Variants in TNS3 observed in about 807,000 individuals in gnomAD.
The protein encoded by TNS3 is tensin 3.
A neutral mutation model predicts 140.9 loss-of-function variants in TNS3; 45 were observed. The ratio of observed to expected loss-of-function variants is 0.32; its 90% CI spans 0.25 to 0.41. TNS3 has a LOEUF of 0.41. Ranked by LOEUF, TNS3 falls within the 10% of genes least tolerant of loss-of-function variation. The probability of loss-of-function intolerance (pLI) is 1.00; values close to 1 mark genes in which losing one functional copy is unlikely to be tolerated. For missense variants in TNS3, 1,716 were observed against 1,906.7 expected (o/e 0.90, Z 1.86); for synonymous variants, 815 against 788.4 (o/e 1.03, Z -0.56).
At chr7:47,509,463 T>C (rs1798530716) in intron 2 of TNS3, among the ~76,000 whole-genome samples, 1 of 152,074 alleles carries the variant, frequency 6.6e-6, no homozygotes, top group Non-Finnish European at 1.5e-5. Context: ...ACAAGATACT[T>C]TCCCGTATGT....
chr7:47,582,490 T>A (rs1195219628), upstream of TNS3: 1 of 456,552 alleles, frequency 2.2e-6, no homozygotes, highest in Non-Finnish European at 4.4e-6. Flanking sequence ...TCAGCGCCTG[T>A]GATTAAGGTG....
chr7:47,339,830 C>T (rs945241836), intron 20 of TNS3, among the ~76,000 whole-genome samples: 3 of 151,872 alleles, frequency 2.0e-5, no homozygotes, highest in African/African-American at 7.2e-5. Context: ...CAGTATGTCT[C>T]CCCACTTATT....
chr7:47,292,731 A>T, intron 26 of TNS3, 97 bp downstream of exon 26: 1 of 1,122,240 alleles, frequency 8.9e-7, no homozygotes, highest in Non-Finnish European at 1.3e-6. Context: ...TTCCAGTCTT[A>T]TTATTTTTCT....
chr7:47,488,587 C>T (rs921478091), intron 3 of TNS3, among the ~76,000 whole-genome samples: 3 of 152,228 alleles, frequency 2.0e-5, no homozygotes, highest in Non-Finnish European at 4.4e-5. Context: ...ATCCTAATGA[C>T]CCTATTTCAA....
chr7:47,562,431 G>T (rs1477355721), intron 1 of TNS3, among the ~76,000 whole-genome samples: 2 of 146,080 alleles, frequency 1.4e-5, no homozygotes, highest in Non-Finnish European at 3.0e-5. Flanking sequence ...TTGTTGCCCA[G>T]TCTGGAGTGC....
chr7:47,311,482 C>G (rs561365581), intron 20 of TNS3, among the ~76,000 whole-genome samples: 1 of 149,340 alleles, frequency 6.7e-6, no homozygotes, highest in East Asian at 2.0e-4. Flanking sequence ...AGAGAATAAT[C>G]AAATGGAAAC....
chr7:47,524,740 T>C (rs1317356947), intron 2 of TNS3, among the ~76,000 whole-genome samples: 3 of 137,410 alleles, frequency 2.2e-5, no homozygotes, highest in Non-Finnish European at 3.0e-5. Flanking sequence ...AGGCGGAGCT[T>C]GCAGTGAGCC....
At chr7:47,349,404 G>C (rs1467787206) in intron 17 of TNS3, among the ~76,000 whole-genome samples, 2 of 152,240 alleles carry the variant, frequency 1.3e-5, no homozygotes, top group Non-Finnish European at 2.9e-5. Context: ...TCCTGCCACT[G>C]GGACCACCAG....
At chr7:47,467,223 G>A (rs1796756510) in intron 4 of TNS3, among the ~76,000 whole-genome samples, 1 of 152,302 alleles carries the variant, frequency 6.6e-6, no homozygotes, top group East Asian at 1.9e-4. Context: ...CTACCCCAGG[G>A]CCTGAGGGCC....
intron 17 of TNS3, among the ~76,000 whole-genome samples, chr7:47,346,694 C>A (rs996520862): frequency 1.3e-5 from 2 of 152,142 alleles, no homozygotes; most frequent in African/African-American, 2.4e-5. Context: ...CTGGGTGGGA[C>A]TGACGATGAC....
At chr7:47,455,231 G>A (rs891270840) in intron 4 of TNS3, among the ~76,000 whole-genome samples, 3 of 152,120 alleles carry the variant, frequency 2.0e-5, no homozygotes, top group Non-Finnish European at 2.9e-5. Context: ...ATGTTTGCAA[G>A]GCTGAGGGAA....
chr7:47,430,970 G>A (rs1047603734), intron 8 of TNS3, among the ~76,000 whole-genome samples: 5 of 151,936 alleles, frequency 3.3e-5, no homozygotes, highest in East Asian at 1.9e-4. Context: ...TGATCTGCCC[G>A]CCTTGGCCTC....
intron 4 of TNS3, among the ~76,000 whole-genome samples, chr7:47,446,735 T>C (rs1036761337): frequency 7.2e-6 from 1 of 138,106 alleles, no homozygotes; most frequent in Non-Finnish European, 1.5e-5. Context: ...TCGCCCAGGC[T>C]GGAGTGCAGT....
chr7:47,397,164 C>T (rs1792882704), intron 15 of TNS3, among the ~76,000 whole-genome samples: 1 of 152,188 alleles, frequency 6.6e-6, no homozygotes, highest in African/African-American at 2.4e-5. Context: ...GGCTTGGACA[C>T]TTCTGCAAAA....
At chr7:47,357,553 A>G (rs1361630941) in intron 17 of TNS3, among the ~76,000 whole-genome samples, 2 of 152,190 alleles carry the variant, frequency 1.3e-5, no homozygotes, top group Non-Finnish European at 2.9e-5. Context: ...TGGAGGGCAT[A>G]GCCTTAAAGA....
chr7:47,493,597 T>A (rs911526821), intron 3 of TNS3, among the ~76,000 whole-genome samples: 1 of 150,014 alleles, frequency 6.7e-6, no homozygotes, highest in African/African-American at 2.5e-5. Flanking sequence ...GGCGGGTGGA[T>A]CACGAGGTCA....
In TNS3 at chr7:47,275,208, G is replaced by A. The variant is rs1784824086; in HGVS notation, c.*2868C>T. 6.6e-6 allele frequency: 1 copy of A among 152,618 alleles called. No homozygotes were observed. The highest frequency in any genetic ancestry group is 1.5e-5 in the Non-Finnish European group (1 of 68,032). The allele number at this position is 152,618 out of a possible 1,614,324, so 9.5% of individuals were successfully genotyped here. A position where few individuals can be genotyped will look rare whatever the true frequency, so the allele number is the denominator to read the frequency against. On this transcript the variant is annotated 3_prime_UTR_variant, in exon 31 of 31. Transcript: ENST00000311160. ...GAATAGAGATGATATTTAAGGAGCAGAGAAAATGACTATACAAAAGATTTA... is the reference window on the plus strand; with the variant it reads ...GAATAGAGATGATATTTAAGGAGCAAAGAAAATGACTATACAAAAGATTTA...
intron 17 of TNS3, among the ~76,000 whole-genome samples, chr7:47,359,910 C>T (rs988315069): frequency 3.9e-5 from 6 of 152,150 alleles, no homozygotes; most frequent in Admixed American, 6.5e-5. Flanking sequence ...GGAATCCACA[C>T]CTCAAAGTCC....
At chr7:47,487,439 G>T (rs778567772) in intron 3 of TNS3, among the ~76,000 whole-genome samples, 2 of 152,126 alleles carry the variant, frequency 1.3e-5, no homozygotes, top group Non-Finnish European at 2.9e-5. Context: ...GCCCACAGGT[G>T]AAGTCTCTAC....
Sources: allele counts gnomAD v4.1 joint callset (sites outside exome capture counted in the v4.1 genomes callset), GRCh38; gene constraint gnomAD v4.1.1; transcripts MANE v1.5; gene names NCBI Gene and HGNC (gene_info 2026-07-23, HGNC 2026-07-21).